ARHGEF18: variants seen among roughly 807,000 people sequenced by gnomAD.
ARHGEF18 encodes the protein Rho/Rac guanine nucleotide exchange factor 18.
ARHGEF18 carries 93 observed loss-of-function variants against 155.7 expected under a neutral mutation model. The observed-to-expected ratio is 0.60, with a 90% CI of 0.50 to 0.71. The LOEUF is 0.71. Among genes scored for constraint, ARHGEF18 ranks in the 30% least tolerant of loss-of-function variants. The probability of loss-of-function intolerance (pLI) is 0.00; values close to 1 mark genes in which losing one functional copy is unlikely to be tolerated. For synonymous variants in ARHGEF18, 742 were observed against 753.1 expected, an observed-to-expected ratio of 0.99 and a Z score of 0.24; for missense variants, 1,593 against 1,816.1, an observed-to-expected ratio of 0.88 and a Z score of 2.23.
At position 7,444,543 on chromosome 19, in the gene ARHGEF18, C is replaced by T. The variant is rs1974874822; in HGVS notation, c.1611+89C>T. The T allele has an allele frequency of 1.3e-6, 2 of 1,521,270 alleles. No homozygotes were observed. Among genetic ancestry groups the T allele is most frequent in the Non-Finnish European group, 1.8e-6 (2 of 1,135,654 alleles). 94.2% of individuals were successfully genotyped at this position (1,521,270 alleles called of 1,614,324 possible). A position where few individuals can be genotyped will look rare whatever the true frequency, so the allele number is the denominator to read the frequency against. ...TCTTTTTTTCTGAGATAGGGTCTTG[C>T]CGTGTCGCCCAGGCTGGAGTGCAGT... is the stretch of plus-strand genomic sequence containing the variant. On this transcript the variant is annotated intron_variant, in intron 14 of 28. Transcript: ENST00000668164. This position sits in a 1 kb window ranked among gnomAD's most constrained non-coding sequence, Gnocchi z 4.7.
At chr19:7,460,252 G>A (rs1411582884) in intron 20 of ARHGEF18, among the ~76,000 whole-genome samples, 3 of 151,992 alleles carry the variant, frequency 2.0e-5, no homozygotes, top group African/African-American at 7.3e-5. Context: ...TTCCAGAGCC[G>A]ACCACACAGC....
chr19:7,471,841 G>C lies in ARHGEF18; in HGVS notation c.*1543G>C, dbSNP rs545677363. On this transcript the variant is annotated 3_prime_UTR_variant, in exon 29 of 29. Transcript: ENST00000668164. This position sits in a 1 kb window ranked among gnomAD's most constrained non-coding sequence, Gnocchi z 4.4. ...CAGCCCATTGGTGACAAGGTCCTGA[G>C]AACACAGTGGCCAGGTGTCCCCAGG... 1.8e-4 allele frequency: 27 copies of C among 152,250 alleles called. No individual in the cohort carries two copies. The highest frequency in any genetic ancestry group is 6.0e-4 in the African/African-American group (25 of 41,430). 9.4% of individuals were successfully genotyped at this position (152,250 alleles called of 1,614,324 possible).
chr19:7,365,255 T>C (rs1969833475), intron 2 of ARHGEF18, among the ~76,000 whole-genome samples: 1 of 152,114 alleles, frequency 6.6e-6, no homozygotes, highest in Non-Finnish European at 1.5e-5. Flanking sequence ...GGTGAAACCC[T>C]GTCTCTACTA....
downstream of ARHGEF18, chr19:7,477,326 C>G: frequency 1.3e-6 from 2 of 1,560,174 alleles, no homozygotes; most frequent in South Asian, 2.4e-5. Flanking sequence ...CAGCACGCCC[C>G]GGGGCAGCCA....
intron 10 of ARHGEF18, among the ~76,000 whole-genome samples, chr19:7,407,603 G>A (rs1024104711): frequency 1.3e-5 from 2 of 152,068 alleles, no homozygotes; most frequent in African/African-American, 2.4e-5. Flanking sequence ...GGAGTTCCCA[G>A]ACTGCATGAG....
At chr19:7,397,291 G>A (rs1404590645) in intron 10 of ARHGEF18, among the ~76,000 whole-genome samples, 2 of 151,590 alleles carry the variant, frequency 1.3e-5, no homozygotes, top group Non-Finnish European at 2.9e-5. Flanking sequence ...TTAGAGACAG[G>A]GTCTCACTCT....
At chr19:7,419,788 C>T (rs1022256112) in intron 10 of ARHGEF18, among the ~76,000 whole-genome samples, 5 of 151,964 alleles carry the variant, frequency 3.3e-5, no homozygotes, top group African/African-American at 1.2e-4. Flanking sequence ...CTTCTGAACC[C>T]CAAGCCCATG....
At chr19:7,360,378 A>G (rs1969496041) in intron 1 of ARHGEF18, among the ~76,000 whole-genome samples, 1 of 152,042 alleles carries the variant, frequency 6.6e-6, no homozygotes. Flanking sequence ...TGGAATTATA[A>G]GCACATGCCA....
intron 2 of ARHGEF18, among the ~76,000 whole-genome samples, chr19:7,368,233 G>A (rs539521018): frequency 9.9e-5 from 15 of 152,112 alleles, no homozygotes; most frequent in South Asian, 8.3e-4. Context: ...AAAACTGTGC[G>A]TGGTGAGCCT....
intron 15 of ARHGEF18, among the ~76,000 whole-genome samples, chr19:7,448,139 C>T (rs1365070182): frequency 6.6e-6 from 1 of 152,166 alleles, no homozygotes; most frequent in African/African-American, 2.4e-5. Context: ...CACAAAGGGT[C>T]GTTTGAAGGG....
rs770232645 is a variant in ARHGEF18, at chr19:7,444,344, A to G, written c.1501A>G (p.Thr501Ala). 2 of 1,613,534 alleles carry G rather than the reference A, an allele frequency of 1.2e-6. No individual in the cohort carries two copies. The highest frequency in any genetic ancestry group is 1.1e-5 in the South Asian group (1 of 91,082). ...CCCATGCGCTGACGACCTGCTGGAG[A>G]CGCACAGCCACTTCCTCGCTCGGCT... ...LFPCADDLLE[T>A]HSHFLARLKE... Residue 501 changes from threonine (T) to alanine (A), a missense_variant, in exon 14 of 29, where the codon ACG (threonine) becomes GCG (alanine). Coordinates refer to ENST00000668164, the MANE Select transcript of ARHGEF18 (RefSeq NM_001367823.1). This position sits in a 1 kb window ranked among gnomAD's most constrained non-coding sequence, Gnocchi z 4.7.
chr19:7,411,271 T>TTCCCCTTCCCCG, intron 10 of ARHGEF18, among the ~76,000 whole-genome samples: 2 of 105,548 alleles, frequency 1.9e-5, no homozygotes, highest in Non-Finnish European at 2.1e-5. Flanking sequence ...CCCCTTCCCC[T>TTCCCCTTCCCCG]TCCCCTTTCC....
At chr19:7,406,773 C>T (rs1036694928) in intron 10 of ARHGEF18, among the ~76,000 whole-genome samples, 1 of 152,056 alleles carries the variant, frequency 6.6e-6, no homozygotes, top group Non-Finnish European at 1.5e-5. Context: ...TAGTTATAGC[C>T]ACCTGGCACA....
At chr19:7,430,600 C>T (rs1286188049) in intron 10 of ARHGEF18, among the ~76,000 whole-genome samples, 4 of 151,590 alleles carry the variant, frequency 2.6e-5, no homozygotes, top group East Asian at 3.9e-4. Context: ...GCCTGGAGTT[C>T]GAGATCAGCC....
rs1475668898 is a variant in ARHGEF18, at chr19:7,441,671, G to A, written c.1125G>A (p.Met375Ile). 1 of 1,614,150 alleles carries A rather than the reference G, an allele frequency of 6.2e-7. No individual in the cohort carries two copies. The highest frequency in any genetic ancestry group is 1.7e-5 in the Admixed American group (1 of 60,016). Residue 375 changes from methionine to isoleucine, a missense_variant, in exon 12 of 29, where the codon ATG becomes ATA. Transcript: ENST00000668164. ...CACTCAGACCAATCACAGGAGAGAT[G>A]GATGAAGCCGATTCTGCGTTTTTAA... ...GTQLGPITGEMDEADSAFLKF... is the reference protein window; with the variant it reads ...GTQLGPITGEIDEADSAFLKF...
At chr19:7,372,782 C>T in intron 2 of ARHGEF18, 30 bp from the exon 3 acceptor site, 1 of 1,234,466 alleles carries the variant, frequency 8.1e-7, no homozygotes, top group Non-Finnish European at 1.0e-6. Flanking sequence ...TCAATGTCTT[C>T]TTCTCCCTCC....
In ARHGEF18 at chr19:7,467,544, C is replaced by T. The variant is rs2145912242; in HGVS notation, c.3340C>T (p.Gln1114Ter). 2 of 1,464,202 alleles carry T rather than the reference C, an allele frequency of 1.4e-6. No individual in the cohort carries two copies. The highest frequency in any genetic ancestry group is 8.9e-7 in the Non-Finnish European group (1 of 1,118,494). The allele number at this position is 1,464,202 out of a possible 1,614,324, so 90.7% of individuals were successfully genotyped here. A position where few individuals can be genotyped will look rare whatever the true frequency, so the allele number is the denominator to read the frequency against. ...GCGGGCCGAGCTGGAGCGCCAGCGC[C>T]AGGCCTACCAGCACGACCTGGAGCG... is the stretch of plus-strand genomic sequence containing the variant. ...QERAELERQR[Q>*]AYQHDLERLR... Residue 1114 changes from glutamine to a stop codon, truncating the protein, a stop_gained, in exon 26 of 29, where the codon CAG (glutamine) becomes TAG (stop). Coordinates refer to ENST00000668164, the MANE Select transcript of ARHGEF18 (RefSeq NM_001367823.1). LOFTEE classifies it high-confidence loss of function.
intron 10 of ARHGEF18, among the ~76,000 whole-genome samples, chr19:7,404,233 C>G (rs2145582977): frequency 6.6e-6 from 1 of 152,216 alleles, no homozygotes; most frequent in East Asian, 1.9e-4. Flanking sequence ...GGGGCCGTTT[C>G]ACTGAGTTGA....
Position 7,362,086 on chromosome 19 carries a change from AAGG to A in ARHGEF18, c.-110-692_-110-690del, listed in dbSNP as rs1444881454. On this transcript the variant is annotated intron_variant, in intron 1 of 28. Coordinates refer to ENST00000668164, the MANE Select transcript of ARHGEF18 (RefSeq NM_001367823.1). ...GAAGGAGAAGGAGAAGGAGAAGGAG[AAGG>A]AGAAGGAGAAGGAGAAGGAGAAGGA... Among the ~76,000 whole-genome samples, 17 of 16,072 alleles carry A rather than the reference AAGG, an allele frequency of 1.1e-3. No homozygotes were observed. The East Asian group carries it at 0.015, about 14-fold the overall frequency. 10.5% of individuals were successfully genotyped at this position (16,072 alleles called of 152,430 possible).
Sources: allele counts gnomAD v4.1 joint callset (sites outside exome capture counted in the v4.1 genomes callset), GRCh38; gene constraint gnomAD v4.1.1; non-coding constraint Gnocchi (gnomAD v3.1); transcripts MANE v1.5; gene names NCBI Gene and HGNC (gene_info 2026-07-23, HGNC 2026-07-21).